The following TMEM161A variants were observed in gnomAD, a reference collection of about 807,000 sequenced individuals.
The protein encoded by TMEM161A is adaptive response to oxidative stress protein 29.
TMEM161A carries 46 observed loss-of-function variants against 57.1 expected under a neutral mutation model. The observed-to-expected ratio is 0.81, with a 90% CI of 0.64 to 1.03. The LOEUF (loss-of-function observed/expected upper bound fraction) is 1.03, where lower values mean the gene tolerates loss of function less well. Among genes scored for constraint, TMEM161A ranks in the 50% least tolerant of loss-of-function variants. The pLI is 0.00. For synonymous variants in TMEM161A, 288 were observed against 279.0 expected, an observed-to-expected ratio of 1.03 and a Z score of -0.32; for missense variants, 601 against 621.5, an observed-to-expected ratio of 0.97 and a Z score of 0.35.
chr19:19,120,884 G>C (rs756956265), intron 10 of TMEM161A, 23 bp from the exon 11 acceptor site: 2 of 1,612,096 alleles, frequency 1.2e-6, no homozygotes, highest in Non-Finnish European at 1.7e-6. Context: ...AGCAGGGGTG[G>C]CTGCAGCAGG....
intron 1 of TMEM161A, among the ~76,000 whole-genome samples, chr19:19,137,687 T>G (rs2059990702): frequency 6.6e-6 from 1 of 152,278 alleles, no homozygotes; most frequent in Non-Finnish European, 1.5e-5. Flanking sequence ...TTCAGGGCCA[T>G]CTCCAGCGCC....
rs1317815660 is a variant in TMEM161A, at chr19:19,134,846, G to A, written c.45C>T (p.Ala15=). 2 of 1,599,500 alleles carry A rather than the reference G, an allele frequency of 1.3e-6. No homozygotes were observed. The highest frequency in any genetic ancestry group is 1.1e-5 in the South Asian group (1 of 88,378). The change falls in exon 2 of 12, where the codon GCC becomes GCT. Residue 15 remains alanine (A), a synonymous_variant. Coordinates refer to ENST00000162044, the MANE Select transcript of TMEM161A (RefSeq NM_017814.3). ...GVQLVVTLLT[A]TLMHRLAPHC... ...GTGGCGCCAGCCTGTGCATGAGGGT[G>A]GCAGTGAGCAGGGTCACCACCAGCT...
At chr19:19,130,533 A>G in intron 5 of TMEM161A, 2 of 570,806 alleles carry the variant, frequency 3.5e-6, no homozygotes, top group Admixed American at 3.0e-5. Flanking sequence ...CCGTGTCTGT[A>G]CAGCCTCCCG....
At chr19:19,129,091 T>C (rs1053682719) in intron 6 of TMEM161A, among the ~76,000 whole-genome samples, 1 of 152,132 alleles carries the variant, frequency 6.6e-6, no homozygotes, top group Non-Finnish European at 1.5e-5. Context: ...CATCATTCCA[T>C]GTGACGAGGG....
intron 1 of TMEM161A, among the ~76,000 whole-genome samples, chr19:19,138,159 C>T (rs1330633578): frequency 6.6e-6 from 1 of 152,190 alleles, no homozygotes; most frequent in Non-Finnish European, 1.5e-5. Flanking sequence ...GGATCCCAGA[C>T]CCCTAAAAGG....
At chr19:19,135,700 C>A (rs2059981996) in intron 1 of TMEM161A, among the ~76,000 whole-genome samples, 1 of 152,042 alleles carries the variant, frequency 6.6e-6, no homozygotes, top group Non-Finnish European at 1.5e-5. Flanking sequence ...CATCAGCCTC[C>A]CTAGTAGCTG....
chr19:19,120,722 T>A (rs1356701985), intron 11 of TMEM161A, 43 bp downstream of exon 11: 1 of 1,589,430 alleles, frequency 6.3e-7, no homozygotes, highest in Non-Finnish European at 8.6e-7. Context: ...TGTTTTATCT[T>A]CCAACTCCGC....
chr19:19,120,356 C>T (rs533170374), intron 11 of TMEM161A, among the ~76,000 whole-genome samples, 173 bp from the exon 12 acceptor site: 2 of 152,106 alleles, frequency 1.3e-5, no homozygotes, highest in African/African-American at 2.4e-5. Flanking sequence ...CAAGGCAAAC[C>T]CTACCCCAGG....
intron 1 of TMEM161A, among the ~76,000 whole-genome samples, chr19:19,136,644 G>A (rs2059985855): frequency 6.6e-6 from 1 of 151,494 alleles, no homozygotes; most frequent in Non-Finnish European, 1.5e-5. Flanking sequence ...CAACAGAGTG[G>A]GACTCTGTCT....
rs1289522144 is a variant in TMEM161A, at chr19:19,119,839, C to G, written c.*91G>C. The G allele has an allele frequency of 5.1e-5, 74 of 1,447,924 alleles. No individual in the cohort carries two copies. The highest frequency in any genetic ancestry group is 6.9e-5 in the Non-Finnish European group (74 of 1,078,508). The allele number at this position is 1,447,924 out of a possible 1,614,324, so 89.7% of individuals were successfully genotyped here. Reference sequence around the variant, plus strand: ...CGGGGAGTCCGGCCCCACCTTGCAGCTGGGGACACGGGGGCGCAAACAGAG... The same window carrying G: ...CGGGGAGTCCGGCCCCACCTTGCAGGTGGGGACACGGGGGCGCAAACAGAG... On this transcript the variant is annotated 3_prime_UTR_variant, in exon 12 of 12. Transcript: ENST00000162044.
intron 1 of TMEM161A, among the ~76,000 whole-genome samples, chr19:19,135,404 C>T (rs2059980864): frequency 6.6e-6 from 1 of 152,106 alleles, no homozygotes; most frequent in Non-Finnish European, 1.5e-5. Context: ...CTAAGTGTCT[C>T]CCACCTTAAG....
intron 6 of TMEM161A, among the ~76,000 whole-genome samples, chr19:19,126,887 A>AAAAATC (rs1426569570): frequency 6.6e-6 from 1 of 152,010 alleles, no homozygotes. Context: ...AAATAAAAAT[A>AAAAATC]AAAAAATAAA....
At chr19:19,130,810 C>G (rs1322259326) in intron 5 of TMEM161A, among the ~76,000 whole-genome samples, 2 of 152,148 alleles carry the variant, frequency 1.3e-5, no homozygotes, top group Non-Finnish European at 2.9e-5. Context: ...GTGGTCCCAG[C>G]TACTGGGGAG....
In TMEM161A at chr19:19,129,581, A is replaced by G. The variant is rs143991882; in HGVS notation, c.595+575T>C. ...GGCAACATAGTGAGACCCTGTTTCA[A>G]TAAAAATAAATAAATAAATAATTTT... On this transcript the variant is annotated intron_variant, in intron 6 of 11. Transcript: ENST00000162044. Among the ~76,000 whole-genome samples the G allele has an allele frequency of 5.9e-5, 9 of 152,192 alleles. No homozygotes were observed. In the South Asian group the frequency reaches 1.2e-3, roughly 21 times the overall value.
At chr19:19,134,648 A>T (rs1287461651) in intron 2 of TMEM161A, 136 bp downstream of exon 2, 2 of 627,656 alleles carry the variant, frequency 3.2e-6, no homozygotes, top group African/African-American at 3.7e-5. Context: ...TTGTACTTCA[A>T]TTACACCTCA....
At chr19:19,129,393 GACCGGGGGAGTGTGGT>G (rs2059946488) in intron 6 of TMEM161A, among the ~76,000 whole-genome samples, 1 of 152,110 alleles carries the variant, frequency 6.6e-6, no homozygotes, top group Non-Finnish European at 1.5e-5. Context: ...TTTCTCCTAA[GACCGGGGGAGTGTGGT>G]GCCGGGCAGA....
chr19:19,134,471 G>A (rs1264940869), intron 2 of TMEM161A, among the ~76,000 whole-genome samples: 8 of 152,052 alleles, frequency 5.3e-5, no homozygotes, highest in African/African-American at 1.2e-4. Flanking sequence ...GCATGGTGGC[G>A]CACACCTGTA....
chr19:19,126,209 G>A lies in TMEM161A; in HGVS notation c.595+3947C>T, dbSNP rs552702647. ...ATGTAGAATGACTTTCTGATTTTAG[G>A]GAAGGATATTTTTCAAGACAAATAT... On this transcript the variant is annotated intron_variant, in intron 6 of 11. Transcript: ENST00000162044. Among the ~76,000 whole-genome samples the A allele has an allele frequency of 1.1e-4, 16 of 151,876 alleles. 1 individual carries two copies. In the East Asian group the frequency reaches 2.9e-3, roughly 28 times the overall value.
At position 19,121,527 on chromosome 19, in the gene TMEM161A, C is replaced by T. The variant is rs149106820; in HGVS notation, c.798G>A (p.Leu266=). 1.2e-6 allele frequency: 2 copies of T among 1,613,812 alleles called. No individual in the cohort carries two copies. The highest frequency in any genetic ancestry group is 2.7e-5 in the African/African-American group (2 of 74,932). ...ALTMSEDRPM[L]QFLLHTSFLS... ...ACCCACCAAGCGACCCACTTAACTG[C>T]AGCATGGGTCTGTCCTCCGACATGG... is the stretch of plus-strand genomic sequence containing the variant. Residue 266 remains leucine (L), a splice_region_variant and synonymous_variant, in exon 8 of 12, where the codon CTG becomes CTA. Coordinates refer to ENST00000162044, the MANE Select transcript of TMEM161A (RefSeq NM_017814.3). This position sits in a 1 kb window ranked among gnomAD's most constrained non-coding sequence, Gnocchi z 5.8.
Sources: gnomAD v4.1 joint callset for allele counts (sites outside exome capture counted in the v4.1 genomes callset) on GRCh38, gnomAD v4.1.1 for gene constraint, Gnocchi (gnomAD v3.1) non-coding constraint, MANE v1.5 for transcripts, NCBI Gene and HGNC (gene_info 2026-07-23, HGNC 2026-07-21) for gene names.